The following GRIK3 variants were observed in gnomAD, a reference collection of about 807,000 sequenced individuals.
GRIK3 encodes the protein glutamate receptor ionotropic, kainate 3.
Under a neutral mutation model 102.5 loss-of-function variants are expected in GRIK3, and 29 were observed. The ratio of observed to expected loss-of-function variants is 0.28; its 90% CI spans 0.21 to 0.39. The LOEUF (loss-of-function observed/expected upper bound fraction) is 0.39, where lower values mean the gene tolerates loss of function less well. GRIK3 is among the 10% of genes least tolerant of loss of function. The pLI is 1.00. For missense variants in GRIK3, 908 were observed against 1,252.4 expected (o/e 0.73, Z 4.15); for synonymous variants, 511 against 504.9 (o/e 1.01, Z -0.16).
Position 37,017,405 on chromosome 1 carries a change from A to G in GRIK3, c.115+16589T>C, listed in dbSNP as rs950194211. Among the ~76,000 whole-genome samples the G allele has an allele frequency of 1.7e-4, 26 of 149,118 alleles. No individual in the cohort carries two copies. In the South Asian group the frequency reaches 2.6e-3, roughly 15 times the overall value. On this transcript the variant is annotated intron_variant, in intron 1 of 15. Coordinates refer to ENST00000373091, the MANE Select transcript of GRIK3 (RefSeq NM_000831.4). ...AAAAAAAAAAAAAAAAGAAGAAGAA[A>G]AAAAGGTGTTGAGCTGTTTTCTTTA...
At chr1:36,959,619 T>G (rs540483050) in intron 1 of GRIK3, among the ~76,000 whole-genome samples, 1 of 127,604 alleles carries the variant, frequency 7.8e-6, no homozygotes, top group Admixed American at 7.7e-5. Context: ...GTGTGCCCCG[T>G]AACTCTGTGC....
chr1:36,923,946 C>T (rs1359971394), intron 1 of GRIK3, among the ~76,000 whole-genome samples: 1 of 152,040 alleles, frequency 6.6e-6, no homozygotes, highest in Admixed American at 6.5e-5. Flanking sequence ...CAAGGGCCCA[C>T]ACATACAAGC....
chr1:36,847,320 A>T (rs764361234), intron 9 of GRIK3, among the ~76,000 whole-genome samples: 1 of 152,362 alleles, frequency 6.6e-6, no homozygotes, highest in South Asian at 2.1e-4. Context: ...TATAAGAAGC[A>T]GCCCAGTGTA....
intron 1 of GRIK3, among the ~76,000 whole-genome samples, chr1:37,008,954 C>T (rs926791526): frequency 4.6e-5 from 7 of 152,256 alleles, no homozygotes; most frequent in South Asian, 2.1e-4. Context: ...GTTAAGACCA[C>T]GGACTCTGAA....
intron 1 of GRIK3, among the ~76,000 whole-genome samples, chr1:36,952,801 G>T (rs895948452): frequency 6.6e-6 from 1 of 152,196 alleles, no homozygotes; most frequent in African/African-American, 2.4e-5. Flanking sequence ...ACTGGGTGTT[G>T]GGGGGTCTAA....
At chr1:36,827,653 C>A (rs1286886489) in intron 10 of GRIK3, among the ~76,000 whole-genome samples, 1 of 152,148 alleles carries the variant, frequency 6.6e-6, no homozygotes, top group Non-Finnish European at 1.5e-5. Context: ...TAAAGGGTAC[C>A]TGCTAACACT....
chr1:36,972,355 T>C (rs1334673293), intron 1 of GRIK3, among the ~76,000 whole-genome samples: 2 of 152,204 alleles, frequency 1.3e-5, no homozygotes, highest in Non-Finnish European at 2.9e-5. Flanking sequence ...CCTTCCGTAC[T>C]GATTCCAGCA....
intron 1 of GRIK3, among the ~76,000 whole-genome samples, chr1:36,899,372 C>T (rs1216834217): frequency 6.6e-6 from 1 of 152,004 alleles, no homozygotes; most frequent in Non-Finnish European, 1.5e-5. Flanking sequence ...TATGTTACAT[C>T]GTGAATAAAC....
At chr1:37,020,417 T>C (rs540492549) in intron 1 of GRIK3, among the ~76,000 whole-genome samples, 6 of 152,192 alleles carry the variant, frequency 3.9e-5, no homozygotes, top group African/African-American at 7.2e-5. Flanking sequence ...ACACACAAAA[T>C]ACTTTTAAGA....
chr1:36,804,879 G>C, intron 15 of GRIK3, 108 bp downstream of exon 15: 1 of 1,381,828 alleles, frequency 7.2e-7, no homozygotes, highest in Middle Eastern at 1.8e-4. Flanking sequence ...AGGGTGAGCT[G>C]TTGTGAGGCT....
intron 1 of GRIK3, 69 bp downstream of exon 1, chr1:37,033,925 G>C: frequency 1.2e-6 from 1 of 844,706 alleles, no homozygotes; most frequent in Non-Finnish European, 1.9e-6. Flanking sequence ...TCCGGAACGC[G>C]TTGGGAGGCC....
chr1:36,805,936 CAAAAAAAAA>C (rs749853809), intron 14 of GRIK3, among the ~76,000 whole-genome samples, 159 bp downstream of exon 14: 2 of 31,606 alleles, frequency 6.3e-5, no homozygotes, highest in East Asian at 8.7e-4. Flanking sequence ...AACTCCACCT[CAAAAAAAAA>C]AAAAAAAAAA....
rs1642503006 is a variant in GRIK3 at position 36,806,379 on chromosome 1, A to G, written c.2092-53T>C. The G allele has an allele frequency of 8.6e-7, 1 of 1,159,998 alleles. No homozygotes were observed. The highest frequency in any genetic ancestry group is 1.5e-5 in the African/African-American group (1 of 66,426). The allele number at this position is 1,159,998 out of a possible 1,614,324, so 71.9% of individuals were successfully genotyped here. On this transcript the variant is annotated intron_variant, in intron 13 of 15. Transcript: ENST00000373091. The surrounding 1 kb of genome is among the most constrained non-coding windows in gnomAD (Gnocchi z 4.0). ...CACACCGTTACTAGGCGCACCAGGG[A>G]CCAAGCACCGCATACCCTGCACAAC... is the stretch of plus-strand genomic sequence containing the variant.
intron 1 of GRIK3, among the ~76,000 whole-genome samples, chr1:36,989,527 G>C (rs549526493): frequency 1.3e-5 from 2 of 152,218 alleles, no homozygotes; most frequent in African/African-American, 2.4e-5. Flanking sequence ...CGCTCCTCCC[G>C]GGGGCCTGGC....
chr1:36,874,763 T>C (rs1399145328), intron 3 of GRIK3, among the ~76,000 whole-genome samples: 2 of 152,242 alleles, frequency 1.3e-5, no homozygotes, highest in Non-Finnish European at 2.9e-5. Context: ...TGGGACAGGC[T>C]GGATGCTGGA....
chr1:37,034,029 G>A lies in GRIK3; in HGVS notation c.80C>T (p.Pro27Leu). The change falls in exon 1 of 16, where the codon CCG becomes CTG. Residue 27 changes from proline (P) to leucine (L), a missense_variant. Pro to Leu is a moderately conservative substitution (Grantham distance 98, BLOSUM62 -3). Around this residue, in one of 3 missense-constraint regions of GRIK3, gnomAD observed 585 missense variants for 824.9 expected, o/e 0.71. Coordinates refer to ENST00000373091, the MANE Select transcript of GRIK3 (RefSeq NM_000831.4). ...AGLLVCAFWIPDSRGMPHVIR... is the reference protein window; with the variant it reads ...AGLLVCAFWILDSRGMPHVIR... The stretch of plus-strand genomic sequence containing the variant: ...GACGTGGGGCATCCCGCGCGAGTCC[G>A]GGATCCAGAAGGCGCACACGAGGAG... 6.2e-7 allele frequency: 1 copy of A among 1,605,556 alleles called. No individual in the cohort carries two copies. Among genetic ancestry groups the A allele is most frequent in the Non-Finnish European group, 8.5e-7 (1 of 1,176,610 alleles).
At chr1:36,985,406 A>C (rs1432145847) in intron 1 of GRIK3, among the ~76,000 whole-genome samples, 1 of 151,846 alleles carries the variant, frequency 6.6e-6, no homozygotes, top group Non-Finnish European at 1.5e-5. Context: ...GTGTCAAATT[A>C]CCTCCCAGAG....
intron 1 of GRIK3, among the ~76,000 whole-genome samples, chr1:36,915,302 C>A (rs1641386501): frequency 6.6e-6 from 1 of 152,200 alleles, no homozygotes; most frequent in Non-Finnish European, 1.5e-5. Flanking sequence ...CCACCCTCAG[C>A]ACTTAGAAGT....
intron 1 of GRIK3, among the ~76,000 whole-genome samples, chr1:36,972,851 T>G (rs914700874): frequency 1.2e-4 from 19 of 152,104 alleles, no homozygotes; most frequent in Admixed American, 6.6e-5. Flanking sequence ...TCTACTAGAC[T>G]AGGGGCCAAA....
Sources: allele counts gnomAD v4.1 joint callset (sites outside exome capture counted in the v4.1 genomes callset), GRCh38; gene constraint gnomAD v4.1.1; regional missense constraint gnomAD v4.1.1; non-coding constraint Gnocchi (gnomAD v3.1); transcripts MANE v1.5; gene names NCBI Gene and HGNC (gene_info 2026-07-23, HGNC 2026-07-21).